The following DIDO1 variants were observed in gnomAD, a reference collection of about 807,000 sequenced individuals.
DIDO1 encodes death-inducer obliterator 1.
DIDO1 carries 16 observed loss-of-function variants against 99.4 expected under a neutral mutation model. The observed-to-expected ratio is 0.16, with a 90% CI of 0.11 to 0.24. The LOEUF is 0.24. Among genes scored for constraint, DIDO1 ranks in the 10% least tolerant of loss-of-function variants. The probability of loss-of-function intolerance (pLI) is 1.00; values close to 1 mark genes in which losing one functional copy is unlikely to be tolerated. For synonymous variants in DIDO1, 1,366 were observed against 1,239.1 expected (o/e 1.10, Z -2.15); for missense variants, 2,996 against 3,014.0 (o/e 0.99, Z 0.14).
In DIDO1 at chr20:62,905,546, G is replaced by A. The variant is rs745893459; in HGVS notation, c.1588+341C>T. ...GACAGGGGTGGATGTGGCGTGCCGG[G>A]CAGTGTGGCTATGCAATCAGACTGG... is the stretch of plus-strand genomic sequence containing the variant. On this transcript the variant is annotated intron_variant, in intron 6 of 15. Coordinates refer to ENST00000395343, the MANE Select transcript of DIDO1 (RefSeq NM_001193369.2). 1.5e-5 allele frequency: 24 copies of A among 1,550,962 alleles called. No individual in the cohort carries two copies. In the South Asian group the frequency reaches 2.6e-4, roughly 17 times the overall value.
chr20:62,937,493 C>A (rs1287613984), intron 1 of DIDO1, among the ~76,000 whole-genome samples: 1 of 152,270 alleles, frequency 6.6e-6, no homozygotes, highest in African/African-American at 2.4e-5. Flanking sequence ...TTCGGCGTAG[C>A]CCATGGGAGG....
intron 15 of DIDO1, chr20:62,889,344 C>CGCCG (rs777924318): frequency 9.1e-5 from 89 of 976,314 alleles, no homozygotes; most frequent in Non-Finnish European, 1.0e-4. Context: ...GCCCGGCATG[C>CGCCG]GCCGGGGCTC....
rs752654751 is a variant in DIDO1 at position 62,911,466 on chromosome 20, C to T, written c.147G>A (p.Glu49=). The stretch of plus-strand genomic sequence containing the variant: ...CCAGCTGCTGCTGTGGGGGTGGCGG[C>T]TCCAGTGGGTCAGCCTCCGCGTCCC... ...GAGDAEADPL[E]PPPPQQQLGL... The change falls in exon 3 of 16, where the codon GAG becomes GAA. Residue 49 remains glutamate (E), a synonymous_variant. Transcript: ENST00000395343. This position sits in a 1 kb window ranked among gnomAD's most constrained non-coding sequence, Gnocchi z 7.0. 4 of 1,612,102 alleles carry T rather than the reference C, an allele frequency of 2.5e-6. No individual in the cohort carries two copies. The highest frequency in any genetic ancestry group is 2.5e-6 in the Non-Finnish European group (3 of 1,179,282).
chr20:62,922,190 GTGTGTGTA>G (rs1297882142), intron 1 of DIDO1, among the ~76,000 whole-genome samples: 3 of 139,154 alleles, frequency 2.2e-5, no homozygotes, highest in African/African-American at 2.7e-5. Flanking sequence ...GTATGTGTGT[GTGTGTGTA>G]TATATATATG....
upstream of DIDO1, among the ~76,000 whole-genome samples, chr20:62,929,692 A>AAAAAAAAAAAATAT: frequency 4.7e-5 from 3 of 63,736 alleles, no homozygotes; most frequent in African/African-American, 2.3e-4. Context: ...AAAAAGAAAA[A>AAAAAAAAAAAATAT]GTGTATATAT....
rs775805051 is a variant in DIDO1 at position 62,894,502 on chromosome 20, G to A, written c.2483C>T (p.Pro828Leu). The change falls in exon 11 of 16, where the codon CCG becomes CTG. Residue 828 changes from proline to leucine, a missense_variant. Physicochemically the swap from Pro to Leu is moderately conservative, Grantham distance 98 (BLOSUM62 -3). This residue lies in a region of DIDO1 where 898 missense variants were observed against 972.7 expected (regional missense o/e 0.92). Transcript: ENST00000395343. The surrounding 1 kb of genome is among the most constrained non-coding windows in gnomAD (Gnocchi z 4.4). ...CATGCTGCTGAAGACGTCGAGAAGC[G>A]GCGCTGTGCTCTTCTCAGGGACAGC... is the stretch of plus-strand genomic sequence containing the variant. ...ARAVPEKSTAPLLDVFSSMLK... is the reference protein window; with the variant it reads ...ARAVPEKSTALLLDVFSSMLK... 8.1e-6 allele frequency: 13 copies of A among 1,613,034 alleles called. No individual in the cohort carries two copies. Among genetic ancestry groups the A allele is most frequent in the Admixed American group, 1.7e-5 (1 of 59,992 alleles).
chr20:62,913,039 A>G (rs1269380175), intron 2 of DIDO1, among the ~76,000 whole-genome samples: 1 of 152,214 alleles, frequency 6.6e-6, no homozygotes, highest in African/African-American at 2.4e-5. Context: ...AAAAAAAGAA[A>G]AAGAACGAAA....
At chr20:62,907,469 G>C (rs1487786261) in intron 4 of DIDO1, 110 bp from the exon 5 acceptor site, 1 of 1,021,716 alleles carries the variant, frequency 9.8e-7, no homozygotes, top group African/African-American at 1.6e-5. Context: ...GTTTCAAAAT[G>C]AGATACTAAC....
rs1157176740 is a variant in DIDO1 at position 62,910,080 on chromosome 20, CATT to C, written c.840-63_840-61del. ...CGTGAGTGACAAGCACTTTTCAACA[CATT>C]AATAAGACAATTGGTTTTAACTTCA... On this transcript the variant is annotated intron_variant, in intron 3 of 15. Transcript: ENST00000395343. The C allele has an allele frequency of 3.3e-6, 5 of 1,519,816 alleles. No homozygotes were observed. The African/African-American group carries it at 5.5e-5, about 17-fold the overall frequency. The allele number at this position is 1,519,816 out of a possible 1,614,324, so 94.1% of individuals were successfully genotyped here.
intron 1 of DIDO1, among the ~76,000 whole-genome samples, chr20:62,925,714 C>G (rs2065238843): frequency 6.6e-6 from 1 of 152,234 alleles, no homozygotes; most frequent in Non-Finnish European, 1.5e-5. Context: ...GGAGGCAGCA[C>G]GAGCACCCCT....
At chr20:62,933,954 G>A (rs889792656) in intron 1 of DIDO1, among the ~76,000 whole-genome samples, 2 of 152,156 alleles carry the variant, frequency 1.3e-5, no homozygotes, top group African/African-American at 2.4e-5. Flanking sequence ...CAAGTTCAAA[G>A]CCACCACCTC....
Position 62,879,756 on chromosome 20 carries a change from G to C in DIDO1, c.6200C>G (p.Ser2067Trp). The change falls in exon 16 of 16, where the codon TCG (serine) becomes TGG (tryptophan). Residue 2067 changes from serine (S) to tryptophan (W), a missense_variant. This residue lies in a region of DIDO1 where 1,562 missense variants were observed against 1,412.6 expected (regional missense o/e 1.11). Coordinates refer to ENST00000395343, the MANE Select transcript of DIDO1 (RefSeq NM_001193369.2). The surrounding 1 kb of genome is among the most constrained non-coding windows in gnomAD (Gnocchi z 6.3). The part of the protein sequence containing the change: ...QGPEADGQWA[S>W]ADFREGKGHE... ...GCCTTTCCCCTCTCGGAAGTCGGCC[G>C]ATGCCCACTGTCCGTCGGCCTCGGG... 6.2e-7 allele frequency: 1 copy of C among 1,611,602 alleles called. No individual in the cohort carries two copies. The highest frequency in any genetic ancestry group is 1.1e-5 in the South Asian group (1 of 91,062).
chr20:62,907,963 C>T (rs565140257), intron 4 of DIDO1, among the ~76,000 whole-genome samples: 1 of 152,222 alleles, frequency 6.6e-6, no homozygotes, highest in East Asian at 1.9e-4. Context: ...AAGTATGCCC[C>T]CCAAATTGCA....
chr20:62,881,102 G>A lies in DIDO1; in HGVS notation c.4854C>T (p.Pro1618=), dbSNP rs775199833. 2.5e-6 allele frequency: 4 copies of A among 1,609,064 alleles called. No individual in the cohort carries two copies. The South Asian group carries it at 3.3e-5, about 13-fold the overall frequency. Residue 1618 remains proline, a synonymous_variant, in exon 16 of 16, where the codon CCC becomes CCT. Coordinates refer to ENST00000395343, the MANE Select transcript of DIDO1 (RefSeq NM_001193369.2). The surrounding 1 kb of genome is among the most constrained non-coding windows in gnomAD (Gnocchi z 8.3). ...VPEEKEPASS[P]WASGEKPPAG... is the part of the protein sequence containing the mutation. ...CTGGGGGCTTTTCGCCCGAAGCCCA[G>A]GGGGAAGAGGCTGGCTCTTTTTCCT... is the stretch of plus-strand genomic sequence containing the variant.
intron 15 of DIDO1, chr20:62,888,599 T>A (rs949162736): frequency 1.0e-6 from 1 of 985,434 alleles, no homozygotes; most frequent in African/African-American, 1.7e-5. Context: ...TTCTGGGCTA[T>A]CTCCGTGAGG....
At chr20:62,910,499 A>C (rs2064906900) in intron 3 of DIDO1, among the ~76,000 whole-genome samples, 1 of 152,150 alleles carries the variant, frequency 6.6e-6, no homozygotes, top group African/African-American at 2.4e-5. Flanking sequence ...GTCTACACAG[A>C]GCCACTGGCT....
chr20:62,879,512 G>A lies in DIDO1; in HGVS notation c.6444C>T (p.Asp2148=). 3.1e-6 allele frequency: 5 copies of A among 1,598,344 alleles called. No individual in the cohort carries two copies. Among genetic ancestry groups the A allele is most frequent in the Non-Finnish European group, 4.2e-6 (5 of 1,178,766 alleles). Residue 2148 remains aspartate (D), a synonymous_variant, in exon 16 of 16, where the codon GAC becomes GAT. Transcript: ENST00000395343. The surrounding 1 kb of genome is among the most constrained non-coding windows in gnomAD (Gnocchi z 6.3). Reference sequence around the variant, plus strand: ...GGTTGGCGCTCCTCTCCCGGTTTCTGTCCCAGTCCCGGCTGGAGTCCTTGT... The same window carrying A: ...GGTTGGCGCTCCTCTCCCGGTTTCTATCCCAGTCCCGGCTGGAGTCCTTGT... ...HRDKDSSRDW[D]RNRERSANRD...
rs149314035 is a variant in DIDO1, at chr20:62,907,131, G to A, written c.1374+16C>T. ...TGTGCGTCCACTGCCTGGGCGGCTG[G>A]TCCTGGTCCACTCACCTGAGCACCG... On this transcript the variant is annotated intron_variant, in intron 5 of 15. Coordinates refer to ENST00000395343, the MANE Select transcript of DIDO1 (RefSeq NM_001193369.2). 1,776 of 1,613,772 alleles carry A rather than the reference G, an allele frequency of 1.1e-3. 3 individuals are homozygous for A. Among genetic ancestry groups the A allele is most frequent in the Admixed American group, 1.8e-3 (106 of 60,024 alleles).
At chr20:62,910,083 T>TA (rs2064896218) in intron 3 of DIDO1, 63 bp from the exon 4 acceptor site, 1 of 1,508,362 alleles carries the variant, frequency 6.6e-7, no homozygotes, top group African/African-American at 1.4e-5. Context: ...TTCAACACAT[T>TA]AATAAGACAA....
Sources: allele counts gnomAD v4.1 joint callset (sites outside exome capture counted in the v4.1 genomes callset), GRCh38; gene constraint gnomAD v4.1.1; regional missense constraint gnomAD v4.1.1; non-coding constraint Gnocchi (gnomAD v3.1); transcripts MANE v1.5; gene names NCBI Gene and HGNC (gene_info 2026-07-23, HGNC 2026-07-21).